SMCO2: variants seen among roughly 807,000 people sequenced by gnomAD.
SMCO2 encodes the protein single-pass membrane protein with coiled-coil domains 2.
In SMCO2, 25 loss-of-function variants were observed where a neutral mutation model predicts 29.5. The observed-to-expected ratio is 0.85, with a 90% CI of 0.62 to 1.18. The LOEUF is 1.18. SMCO2 is among the 50% of genes most tolerant of loss of function. The probability of loss-of-function intolerance (pLI) is 0.00; values close to 1 mark genes in which losing one functional copy is unlikely to be tolerated. For missense variants in SMCO2, 348 were observed against 344.5 expected, an observed-to-expected ratio of 1.01 and a Z score of -0.08; for synonymous variants, 117 against 123.3, an observed-to-expected ratio of 0.95 and a Z score of 0.34.
chr12:27,489,374 T>C (rs1007257574), intron 5 of SMCO2, among the ~76,000 whole-genome samples: 1 of 152,064 alleles, frequency 6.6e-6, no homozygotes, highest in Admixed American at 6.6e-5. Context: ...TTATTAGTAA[T>C]AGAATATTAG....
intron 1 of SMCO2, 137 bp from the exon 2 acceptor site, chr12:27,470,485 T>C: frequency 2.2e-6 from 2 of 927,148 alleles, no homozygotes; most frequent in East Asian, 2.8e-5. Context: ...TGGGGTCCTT[T>C]ACGATGAACA....
chr12:27,441,429 T>G, the SMCO2 span, among the ~76,000 whole-genome samples: 2 of 152,156 alleles, frequency 1.3e-5, no homozygotes, highest in African/African-American at 2.4e-5. Context: ...CAAGCATGAC[T>G]AACTATACTT....
intron 1 of SMCO2, among the ~76,000 whole-genome samples, chr12:27,467,277 A>T (rs306636): frequency 0.1 from 15,368 of 152,050 alleles, 1,241 homozygotes; most frequent in African/African-American, 0.22. Flanking sequence ...AGGAGGAGGG[A>T]TTCACTCCAT....
At chr12:27,450,121 G>T in the SMCO2 span, among the ~76,000 whole-genome samples, 3 of 152,198 alleles carry the variant, frequency 2.0e-5, no homozygotes, top group Non-Finnish European at 4.4e-5. Flanking sequence ...GCTCAGCTCT[G>T]CTCCTCTCAG....
At chr12:27,438,842 G>C in the SMCO2 span, among the ~76,000 whole-genome samples, 1 of 133,708 alleles carries the variant, frequency 7.5e-6, no homozygotes, top group African/African-American at 2.8e-5. Context: ...ACAAACCAGA[G>C]CTCAAGTATG....
At chr12:27,502,166 A>T in exon 8 of SMCO2, 1 of 1,414,334 alleles carries the variant, frequency 7.1e-7, no homozygotes, top group South Asian at 1.6e-5. Context: ...TCACCAGTAA[A>T]CATTGTGGCT....
At chr12:27,486,268 G>C (rs1416138908) in intron 4 of SMCO2, among the ~76,000 whole-genome samples, 1 of 152,174 alleles carries the variant, frequency 6.6e-6, no homozygotes, top group Non-Finnish European at 1.5e-5. Context: ...TTGGCACTCT[G>C]CTGGGCAAAT....
the SMCO2 span, among the ~76,000 whole-genome samples, chr12:27,430,181 T>G: frequency 1.3e-5 from 2 of 152,222 alleles, no homozygotes; most frequent in Admixed American, 6.5e-5. Context: ...GTACTCGTTT[T>G]GAAATGAAGT....
chr12:27,429,383 A>G, the SMCO2 span, among the ~76,000 whole-genome samples: 1 of 151,972 alleles, frequency 6.6e-6, no homozygotes, highest in Non-Finnish European at 1.5e-5. Context: ...TTAAAGTTAG[A>G]ATCCTACTGT....
chr12:27,479,819 T>C (rs1249621375), intron 4 of SMCO2, among the ~76,000 whole-genome samples: 1 of 152,206 alleles, frequency 6.6e-6, no homozygotes, highest in East Asian at 1.9e-4. Context: ...ATTGTGAGGC[T>C]TCCCCAGCCA....
the SMCO2 span, among the ~76,000 whole-genome samples, chr12:27,444,665 G>T: frequency 6.6e-6 from 1 of 152,174 alleles, no homozygotes; most frequent in Non-Finnish European, 1.5e-5. Flanking sequence ...AAAATAGCTT[G>T]TATCAAAAGG....
At chr12:27,477,160 T>C (rs1457844609) in intron 4 of SMCO2, among the ~76,000 whole-genome samples, 1 of 151,992 alleles carries the variant, frequency 6.6e-6, no homozygotes, top group Non-Finnish European at 1.5e-5. Flanking sequence ...TTATTTCTCT[T>C]TCATTTGTTG....
At chr12:27,483,707 G>A (rs1949664373) in intron 4 of SMCO2, among the ~76,000 whole-genome samples, 1 of 152,134 alleles carries the variant, frequency 6.6e-6, no homozygotes, top group African/African-American at 2.4e-5. Context: ...TTATAGGCGT[G>A]AACCGTTATG....
chr12:27,487,191 TAA>T (rs1949695812), intron 4 of SMCO2, among the ~76,000 whole-genome samples: 2 of 152,244 alleles, frequency 1.3e-5, no homozygotes, highest in Non-Finnish European at 2.9e-5. Flanking sequence ...AATCATTGCA[TAA>T]GATGCACTTG....
the SMCO2 span, chr12:27,446,427 A>C: frequency 6.6e-6 from 1 of 152,188 alleles, no homozygotes; most frequent in Non-Finnish European, 1.5e-5. Flanking sequence ...ATACCATCAC[A>C]TTGGGGCGTA....
chr12:27,483,803 A>C (rs574956), intron 4 of SMCO2, among the ~76,000 whole-genome samples: 18,514 of 152,026 alleles, frequency 0.12, 2,184 homozygotes, highest in African/African-American at 0.29. Flanking sequence ...CCTTCAAGTA[A>C]TATTTTACCT....
chr12:27,484,879 T>A (rs1182393747), intron 4 of SMCO2, among the ~76,000 whole-genome samples: 16 of 115,604 alleles, frequency 1.4e-4, no homozygotes, highest in Admixed American at 1.3e-3. Context: ...AAAATATATA[T>A]ATATATATAT....
At chr12:27,444,415 T>C in the SMCO2 span, among the ~76,000 whole-genome samples, 1 of 152,136 alleles carries the variant, frequency 6.6e-6, no homozygotes, top group Admixed American at 6.5e-5. Context: ...ACAGGGCAAA[T>C]ACTCAAGGGC....
chr12:27,472,664 C>G (rs117701761), intron 2 of SMCO2, 112 bp from the exon 3 acceptor site: 9,978 of 686,974 alleles, frequency 0.015, 106 homozygotes, highest in South Asian at 0.027. Flanking sequence ...AGCAGATGCT[C>G]CCTGGGACTG....
Sources: gnomAD v4.1 joint callset for allele counts (sites outside exome capture counted in the v4.1 genomes callset) on GRCh38, gnomAD v4.1.1 for gene constraint, MANE v1.5 for transcripts, NCBI Gene and HGNC (gene_info 2026-07-23, HGNC 2026-07-21) for gene names.